Variants in CLIC5 observed in about 807,000 individuals in gnomAD.
CLIC5 encodes chloride intracellular channel protein 5.
A neutral mutation model predicts 24.7 loss-of-function variants in CLIC5; 20 were observed. The observed-to-expected ratio is 0.81, with a 90% CI of 0.57 to 1.18. CLIC5 has a LOEUF of 1.18. CLIC5 is among the 50% of genes most tolerant of loss of function. The probability of loss-of-function intolerance (pLI) is 0.00; values close to 1 mark genes in which losing one functional copy is unlikely to be tolerated. For synonymous variants in CLIC5, 159 were observed against 135.6 expected, an observed-to-expected ratio of 1.17 and a Z score of -1.20; for missense variants, 341 against 326.1, an observed-to-expected ratio of 1.05 and a Z score of -0.35.
intron 1 of CLIC5, among the ~76,000 whole-genome samples, chr6:45,993,970 G>A (rs1356072740): frequency 1.3e-5 from 2 of 152,194 alleles, no homozygotes; most frequent in Non-Finnish European, 1.5e-5. Context: ...AAAGTTCTTT[G>A]ATGTGTTAAG....
Position 45,947,671 on chromosome 6 carries a change from G to A in CLIC5, c.299+1585C>T, listed in dbSNP as rs1420798255. On this transcript the variant is annotated intron_variant, in intron 3 of 5. Transcript: ENST00000339561. Reference sequence around the variant, plus strand: ...AGGCAAAGTCTAAACTCTAGTTATTGAAAACAGCATTTTTTTTCATGTGGG... The same window carrying A: ...AGGCAAAGTCTAAACTCTAGTTATTAAAAACAGCATTTTTTTTCATGTGGG... Among the ~76,000 whole-genome samples the A allele has an allele frequency of 2.0e-5, 3 of 152,204 alleles. No homozygotes were observed. The East Asian group carries it at 5.8e-4, about 29-fold the overall frequency.
At chr6:46,010,163 G>A (rs1405586159) in intron 1 of CLIC5, among the ~76,000 whole-genome samples, 1 of 152,170 alleles carries the variant, frequency 6.6e-6, no homozygotes, top group Non-Finnish European at 1.5e-5. Context: ...AAGTATCTTG[G>A]TTCTGAGATG....
At chr6:46,084,184 G>A (rs927158122), upstream of CLIC5, among the ~76,000 whole-genome samples, 7 of 152,076 alleles carry the variant, frequency 4.6e-5, no homozygotes, top group Admixed American at 3.9e-4. Context: ...CATGTGAGAT[G>A]GGTTTCCTGA....
intron 2 of CLIC5, 79 bp downstream of exon 2, chr6:45,955,056 G>A (rs567341347): frequency 2.0e-6 from 2 of 1,001,520 alleles, no homozygotes; most frequent in East Asian, 2.4e-5. Flanking sequence ...GGGAGCCACG[G>A]AAGGCTTTTG....
chr6:46,023,890 C>CAAA (rs577419053), intron 1 of CLIC5, among the ~76,000 whole-genome samples: 1 of 141,634 alleles, frequency 7.1e-6, no homozygotes, highest in African/African-American at 2.6e-5. Flanking sequence ...TAACAAAATT[C>CAAA]AAAAAAAAAA....
intron 4 of CLIC5, among the ~76,000 whole-genome samples, chr6:45,918,570 G>A (rs1254912761): frequency 6.6e-6 from 1 of 152,242 alleles, no homozygotes; most frequent in Non-Finnish European, 1.5e-5. Flanking sequence ...GTGGGCCCAG[G>A]TGGCTGCACG....
At chr6:46,113,366 G>C in the CLIC5 span, among the ~76,000 whole-genome samples, 3 of 152,122 alleles carry the variant, frequency 2.0e-5, no homozygotes, top group African/African-American at 4.8e-5. Context: ...AGTAGGGTTC[G>C]GGAAGAAGGG....
Position 46,006,154 on chromosome 6 carries a change from A to G in CLIC5, c.63+9326T>C, listed in dbSNP as rs1228725172. On this transcript the variant is annotated intron_variant, in intron 1 of 5. Coordinates refer to ENST00000339561, the MANE Select transcript of CLIC5 (RefSeq NM_016929.5). ...TATATATATATATATATATATATAT[A>G]TATATATTTAGATGGAATCTTGCCC... 1.2e-4 allele frequency among the ~76,000 whole-genome samples: 10 copies of G among 84,500 alleles called. No individual in the cohort carries two copies. The East Asian group carries it at 3.6e-3, about 30-fold the overall frequency. The allele number at this position is 84,500 out of a possible 152,430, so 55.4% of individuals were successfully genotyped here.
At position 46,001,207 on chromosome 6, in the gene CLIC5, C is replaced by T. The variant is rs189608431; in HGVS notation, c.63+14273G>A. The stretch of plus-strand genomic sequence containing the variant: ...GTCCATGGTTTTTCTCCAGCAGTGT[C>T]CTTACTCTCCTGGGGTAGGTGGGTA... On this transcript the variant is annotated intron_variant, in intron 1 of 5. Coordinates refer to ENST00000339561, the MANE Select transcript of CLIC5 (RefSeq NM_016929.5). Among the ~76,000 whole-genome samples, 66 of 152,246 alleles carry T rather than the reference C, an allele frequency of 4.3e-4. No individual in the cohort carries two copies. In the East Asian group the frequency reaches 0.012, roughly 28 times the overall value.
Position 45,958,437 on chromosome 6 carries a change from T to TATATACACACACACACACACACAC in CLIC5, c.64-3194_64-3193insGTGTGTGTGTGTGTGTGTGTATAT, listed in dbSNP as rs1764726745. 5.1e-4 allele frequency among the ~76,000 whole-genome samples: 4 copies of TATATACACACACACACACACACAC among 7,770 alleles called. 1 individual carries two copies. Among genetic ancestry groups the TATATACACACACACACACACACAC allele is most frequent in the South Asian group, 6.2e-3 (1 of 162 alleles). 5.1% of individuals were successfully genotyped at this position (7,770 alleles called of 152,430 possible). On this transcript the variant is annotated intron_variant, in intron 1 of 5. Coordinates refer to ENST00000339561, the MANE Select transcript of CLIC5 (RefSeq NM_016929.5). Reference sequence around the variant, plus strand: ...AAAAAGACAATTATATATATATATATATATATATATATATATATATATATA... The same window carrying TATATACACACACACACACACACAC: ...AAAAAGACAATTATATATATATATATATATACACACACACACACACACACATATATATATATATATATATATATA...
At chr6:45,920,702 G>A (rs879482161) in intron 4 of CLIC5, 3 of 972,904 alleles carry the variant, frequency 3.1e-6, no homozygotes, top group Non-Finnish European at 3.7e-6. Flanking sequence ...AGGACAAGAG[G>A]AAGAGACACT....
intron 4 of CLIC5, among the ~76,000 whole-genome samples, chr6:45,917,223 T>A (rs1763066087): frequency 6.6e-6 from 1 of 152,194 alleles, no homozygotes; most frequent in South Asian, 2.1e-4. Flanking sequence ...CTTTCTCATC[T>A]CAATAACGGG....
At chr6:46,005,855 T>C (rs1046835537) in intron 1 of CLIC5, among the ~76,000 whole-genome samples, 3 of 151,508 alleles carry the variant, frequency 2.0e-5, no homozygotes, top group African/African-American at 7.3e-5. Context: ...ACCAAATCTA[T>C]TGGTGCACTG....
At chr6:46,089,434 C>G in the CLIC5 span, among the ~76,000 whole-genome samples, 1 of 152,046 alleles carries the variant, frequency 6.6e-6, no homozygotes, top group South Asian at 2.1e-4. Context: ...ATTCTAGAAC[C>G]CTATGCAATA....
intron 1 of CLIC5, among the ~76,000 whole-genome samples, chr6:46,076,015 G>A (rs912850157): frequency 1.3e-5 from 2 of 152,186 alleles, no homozygotes; most frequent in Admixed American, 6.5e-5. Context: ...CTTGCCTGAA[G>A]TTTGTCAGTT....
At chr6:45,957,869 G>A (rs1164981892) in intron 1 of CLIC5, among the ~76,000 whole-genome samples, 3 of 152,144 alleles carry the variant, frequency 2.0e-5, no homozygotes, top group African/African-American at 7.2e-5. Context: ...AACATCAACA[G>A]AGAAGAACCA....
intron 1 of CLIC5, among the ~76,000 whole-genome samples, chr6:46,049,515 C>A (rs905432393): frequency 6.6e-6 from 1 of 152,072 alleles, no homozygotes; most frequent in African/African-American, 2.4e-5. Context: ...GGAATTTAAA[C>A]GCCCTCAGTA....
the CLIC5 span, among the ~76,000 whole-genome samples, chr6:46,118,229 T>C: frequency 6.6e-6 from 1 of 152,272 alleles, no homozygotes; most frequent in Admixed American, 6.5e-5. Context: ...TGTTATCTTA[T>C]CATGTTATAA....
intron 1 of CLIC5, among the ~76,000 whole-genome samples, chr6:46,073,104 T>C (rs1475947144): frequency 1.3e-5 from 2 of 152,074 alleles, no homozygotes; most frequent in African/African-American, 4.8e-5. Context: ...ATTCTGAGAG[T>C]CTTTGATTAA....
Sources: allele counts gnomAD v4.1 joint callset (sites outside exome capture counted in the v4.1 genomes callset), GRCh38; gene constraint gnomAD v4.1.1; transcripts MANE v1.5; gene names NCBI Gene and HGNC (gene_info 2026-07-23, HGNC 2026-07-21).